PLCL1: variants seen among roughly 807,000 people sequenced by gnomAD.
The protein encoded by PLCL1 is phospholipase C like 1 (inactive).
Under a neutral mutation model 84.4 loss-of-function variants are expected in PLCL1, and 41 were observed. The ratio of observed to expected loss-of-function variants is 0.49; its 90% confidence interval spans 0.38 to 0.63. The LOEUF is 0.63. PLCL1 is among the 30% of genes least tolerant of loss of function. The pLI, the probability that PLCL1 is intolerant of heterozygous loss-of-function variation, is 0.00. For synonymous variants in PLCL1, 490 were observed against 488.3 expected, an observed-to-expected ratio of 1.00 and a Z score of -0.05; for missense variants, 1,206 against 1,367.8, an observed-to-expected ratio of 0.88 and a Z score of 1.87.
intron 1 of PLCL1, among the ~76,000 whole-genome samples, chr2:197,920,105 A>G (rs1399143162): frequency 2.6e-5 from 4 of 152,104 alleles, no homozygotes; most frequent in African/African-American, 9.7e-5. Flanking sequence ...TTGTTTATCC[A>G]TTGGTCTTTT....
chr2:198,095,768 T>G (rs1160597797), intron 3 of PLCL1, among the ~76,000 whole-genome samples: 1 of 152,228 alleles, frequency 6.6e-6, no homozygotes, highest in African/African-American at 2.4e-5. Flanking sequence ...TTGGTTTGAC[T>G]TTTTTCATTC....
At chr2:197,924,215 G>A (rs569923347) in intron 1 of PLCL1, among the ~76,000 whole-genome samples, 1 of 151,608 alleles carries the variant, frequency 6.6e-6, no homozygotes, top group East Asian at 1.9e-4. Flanking sequence ...CGCAAGGCAA[G>A]TGCTTCACTA....
intron 1 of PLCL1, among the ~76,000 whole-genome samples, chr2:197,855,128 C>G (rs1351955583): frequency 6.6e-6 from 1 of 152,118 alleles, no homozygotes; most frequent in African/African-American, 2.4e-5. Flanking sequence ...TTTAAGGAAA[C>G]TGGGGAAAGA....
At position 197,805,122 on chromosome 2, in the gene PLCL1, GGGAGGAT is replaced by G; in HGVS notation, c.24_30del (p.Arg8SerfsTer25). ...GCCATGGCCGAGGGCGCGGCCGGCA[GGGAGGAT>G]CCGGCGCCGCCCGACGCGGCGGGGG... On this transcript the variant is annotated frameshift_variant, in exon 1 of 6. Transcript: ENST00000428675. LOFTEE classifies it high-confidence loss of function. The surrounding 1 kb of genome is among the most constrained non-coding windows in gnomAD (Gnocchi z 4.0). 1.5e-6 allele frequency: 2 copies of G among 1,321,816 alleles called. No individual in the cohort carries two copies. The highest frequency in any genetic ancestry group is 1.9e-6 in the Non-Finnish European group (2 of 1,040,554). 81.9% of individuals were successfully genotyped at this position (1,321,816 alleles called of 1,614,324 possible).
intron 1 of PLCL1, among the ~76,000 whole-genome samples, chr2:197,911,653 T>A (rs906404547): frequency 6.6e-6 from 1 of 152,214 alleles, no homozygotes; most frequent in Non-Finnish European, 1.5e-5. Flanking sequence ...TTTCCTTCTC[T>A]TGTTTCTTTA....
At chr2:197,897,168 CTTCTTCTTCTTCTTCTTCTT>C (rs1559038573) in intron 1 of PLCL1, among the ~76,000 whole-genome samples, 20 of 31,470 alleles carry the variant, frequency 6.4e-4, no homozygotes, top group African/African-American at 4.3e-3. Context: ...TCTTCTTCTT[CTTCTTCTTCTTCTTCTTCTT>C]CTCCTTCTCC....
intron 1 of PLCL1, among the ~76,000 whole-genome samples, chr2:198,055,294 C>CCTCTCT (rs772260935): frequency 1.7e-3 from 207 of 120,306 alleles, no homozygotes; most frequent in African/African-American, 5.0e-3. Flanking sequence ...CTGGTCAAAG[C>CCTCTCT]CTCTCTCTCT....
At chr2:197,987,606 G>A (rs1450145140) in intron 1 of PLCL1, among the ~76,000 whole-genome samples, 3 of 152,164 alleles carry the variant, frequency 2.0e-5, no homozygotes, top group Non-Finnish European at 2.9e-5. Flanking sequence ...AGTCAATTAG[G>A]CAGCACCAAG....
At chr2:198,103,739 A>G in intron 4 of PLCL1, 88 bp from the exon 5 acceptor site, 1 of 622,362 alleles carries the variant, frequency 1.6e-6, no homozygotes, top group South Asian at 2.4e-5. Context: ...GGAATGTGAA[A>G]TTATATTTTA....
At chr2:198,024,677 C>T (rs980642711) in intron 1 of PLCL1, among the ~76,000 whole-genome samples, 4 of 151,658 alleles carry the variant, frequency 2.6e-5, no homozygotes, top group Admixed American at 6.6e-5. Flanking sequence ...GCAAGAGAAT[C>T]GCATGAACCC....
At chr2:197,947,696 A>C (rs936862303) in intron 1 of PLCL1, among the ~76,000 whole-genome samples, 6 of 152,174 alleles carry the variant, frequency 3.9e-5, no homozygotes, top group Non-Finnish European at 8.8e-5. Flanking sequence ...AGATAGTCTG[A>C]AGATCTGCCA....
chr2:198,145,566 T>C (rs561323007), intron 5 of PLCL1, among the ~76,000 whole-genome samples: 1 of 152,344 alleles, frequency 6.6e-6, no homozygotes, highest in South Asian at 2.1e-4. Flanking sequence ...CATACCATAA[T>C]TGATGTACTT....
intron 1 of PLCL1, among the ~76,000 whole-genome samples, chr2:197,821,347 T>C (rs1690811229): frequency 6.6e-6 from 1 of 152,194 alleles, no homozygotes; most frequent in African/African-American, 2.4e-5. Flanking sequence ...CCACTCTCCA[T>C]ATTTATAAAT....
At chr2:198,135,426 G>A (rs1292065036) in intron 5 of PLCL1, among the ~76,000 whole-genome samples, 1 of 152,156 alleles carries the variant, frequency 6.6e-6, no homozygotes. Context: ...CACAATAATG[G>A]GAAGGAAAGA....
Position 198,115,502 on chromosome 2 carries a change from T to G in PLCL1, c.3105+11566T>G, listed in dbSNP as rs1389308301. On this transcript the variant is annotated intron_variant, in intron 5 of 5. Transcript: ENST00000428675. Reference sequence around the variant, plus strand: ...AGGGGATTTCTTAACCATCCCTGATTTCCTGGAACACAGGGCTCAGATAAA... The same window carrying G: ...AGGGGATTTCTTAACCATCCCTGATGTCCTGGAACACAGGGCTCAGATAAA... Among the ~76,000 whole-genome samples the G allele has an allele frequency of 4.6e-5, 7 of 151,830 alleles. No individual in the cohort carries two copies. In the South Asian group the frequency reaches 1.2e-3, roughly 27 times the overall value.
chr2:197,941,743 C>T (rs1689161765), intron 1 of PLCL1, among the ~76,000 whole-genome samples: 1 of 152,190 alleles, frequency 6.6e-6, no homozygotes, highest in Non-Finnish European at 1.5e-5. Flanking sequence ...TTAGCCCTCA[C>T]CATTCTGCTT....
At position 198,121,300 on chromosome 2, in the gene PLCL1, C is replaced by T. The variant is rs1693861364; in HGVS notation, c.3105+17364C>T. 5.9e-5 allele frequency among the ~76,000 whole-genome samples: 9 copies of T among 152,100 alleles called. No homozygotes were observed. The South Asian group carries it at 1.7e-3, about 28-fold the overall frequency. On this transcript the variant is annotated intron_variant, in intron 5 of 5. Transcript: ENST00000428675. ...CTTTTGGGTTGTTGCCTTTGCTGTGCAGAAACTTTTTAACTTGATGTGATT... is the reference window on the plus strand; with the variant it reads ...CTTTTGGGTTGTTGCCTTTGCTGTGTAGAAACTTTTTAACTTGATGTGATT...
In PLCL1 at chr2:198,060,317, A is replaced by G. The variant is rs187894652; in HGVS notation, c.241-23441A>G. Among the ~76,000 whole-genome samples the G allele has an allele frequency of 1.1e-4, 17 of 152,332 alleles. 1 individual carries two copies. Among genetic ancestry groups the G allele is most frequent in the African/African-American group, 2.2e-4 (9 of 41,572 alleles). ...AAATTCAGCAGAAAATTTATGATCT[A>G]ATTTTGATAGAGATATGTGAATTAT... On this transcript the variant is annotated intron_variant, in intron 1 of 5. Transcript: ENST00000428675.
At chr2:197,989,845 C>T (rs73989713) in intron 1 of PLCL1, among the ~76,000 whole-genome samples, 5,767 of 152,214 alleles carry the variant, frequency 0.038, 359 homozygotes, top group African/African-American at 0.13. Flanking sequence ...CCTTCCTAAG[C>T]AGAAATAACC....
Sources: allele counts gnomAD v4.1 joint callset (sites outside exome capture counted in the v4.1 genomes callset), GRCh38; gene constraint gnomAD v4.1.1; non-coding constraint Gnocchi (gnomAD v3.1); transcripts MANE v1.5; gene names NCBI Gene and HGNC (gene_info 2026-07-23, HGNC 2026-07-21).